WIPI2: variants seen among roughly 807,000 people sequenced by gnomAD.
WIPI2 encodes the protein WD repeat domain phosphoinositide-interacting protein 2.
WIPI2 carries 28 observed loss-of-function variants against 52.3 expected under a neutral mutation model. The ratio of observed to expected loss-of-function variants is 0.54; its 90% CI spans 0.40 to 0.73. The LOEUF is 0.73. Among genes scored for constraint, WIPI2 ranks in the 30% least tolerant of loss-of-function variants. The probability of loss-of-function intolerance (pLI) is 0.00; values close to 1 mark genes in which losing one functional copy is unlikely to be tolerated. For synonymous variants in WIPI2, 268 were observed against 245.0 expected, an observed-to-expected ratio of 1.09 and a Z score of -0.88; for missense variants, 506 against 602.9, an observed-to-expected ratio of 0.84 and a Z score of 1.68.
chr7:5,223,069 G>T (rs1381569700), intron 8 of WIPI2, among the ~76,000 whole-genome samples: 1 of 152,114 alleles, frequency 6.6e-6, no homozygotes, highest in Non-Finnish European at 1.5e-5. Flanking sequence ...TCAGCAAATG[G>T]CATTGGCCCC....
chr7:5,194,731 G>T (rs7777063), intron 2 of WIPI2, among the ~76,000 whole-genome samples: 126,005 of 152,134 alleles, frequency 0.83, 52,764 homozygotes, highest in East Asian at 0.96. Flanking sequence ...CGCCTGGGTA[G>T]CTCAGATTGC....
intron 3 of WIPI2, among the ~76,000 whole-genome samples, chr7:5,203,903 G>A (rs529829479): frequency 2.0e-5 from 3 of 152,244 alleles, no homozygotes; most frequent in Non-Finnish European, 2.9e-5. Context: ...GATTATAGGC[G>A]TGAGCCACCA....
At chr7:5,219,640 A>G (rs1352471911) in intron 7 of WIPI2, among the ~76,000 whole-genome samples, 6 of 152,198 alleles carry the variant, frequency 3.9e-5, no homozygotes, top group Non-Finnish European at 1.5e-5. Flanking sequence ...ACAACTCTTA[A>G]TTAATTAGTA....
At chr7:5,226,857 C>A in intron 9 of WIPI2, 1 of 206,650 alleles carries the variant, frequency 4.8e-6, no homozygotes, top group Non-Finnish European at 9.2e-6. Flanking sequence ...ATTACAGAGA[C>A]CTAGCAGGGG....
chr7:5,198,577 G>A (rs1023626687), intron 2 of WIPI2, among the ~76,000 whole-genome samples: 1 of 152,168 alleles, frequency 6.6e-6, no homozygotes, highest in African/African-American at 2.4e-5. Flanking sequence ...GCCTTCCAAA[G>A]TGCTGGGATT....
In WIPI2 at chr7:5,206,671, C is replaced by A. The variant is rs190076426; in HGVS notation, c.211+7013C>A. On this transcript the variant is annotated intron_variant, in intron 3 of 12. Coordinates refer to ENST00000288828, the MANE Select transcript of WIPI2 (RefSeq NM_015610.4). ...AAACTGAAAAGTGGAAAGTATTTTA[C>A]AGCTAACACCTGTGTATCCACCACT... Among the ~76,000 whole-genome samples the A allele has an allele frequency of 4.2e-3, 643 of 152,300 alleles. 13 individuals are homozygous for A. The highest frequency in any genetic ancestry group is 2.7e-3 in the East Asian group (14 of 5,190).
Position 5,216,537 on chromosome 7 carries a change from T to C in WIPI2, c.382-26T>C, listed in dbSNP as rs776429441. 1.9e-5 allele frequency: 30 copies of C among 1,608,460 alleles called. No individual in the cohort carries two copies. The Admixed American group carries it at 5.0e-4, about 27-fold the overall frequency. ...TATTGCACTGGCCGTTGCTTCACGT[T>C]TGGTTTCGTTTTGTCTCTCGCCTAG... On this transcript the variant is annotated intron_variant, in intron 4 of 12. Transcript: ENST00000288828.
At position 5,209,587 on chromosome 7, in the gene WIPI2, T is replaced by C. The variant is rs562469135; in HGVS notation, c.212-4948T>C. Among the ~76,000 whole-genome samples, 197 of 152,320 alleles carry C rather than the reference T, an allele frequency of 1.3e-3. 1 individual carries two copies. Among genetic ancestry groups the C allele is most frequent in the African/African-American group, 4.3e-3 (180 of 41,576 alleles). On this transcript the variant is annotated intron_variant, in intron 3 of 12. Transcript: ENST00000288828. Reference sequence around the variant, plus strand: ...AGTTGAATTGGAATTTATCACCACCTCTAATGGCGACTTGCTCTTTGAGAT... The same window carrying C: ...AGTTGAATTGGAATTTATCACCACCCCTAATGGCGACTTGCTCTTTGAGAT...
At chr7:5,212,671 C>A (rs994738088) in intron 3 of WIPI2, among the ~76,000 whole-genome samples, 2 of 152,304 alleles carry the variant, frequency 1.3e-5, no homozygotes, top group East Asian at 3.9e-4. Context: ...GCATGCACCA[C>A]CACGCCCAGC....
At chr7:5,226,033 C>T in intron 9 of WIPI2, 103 bp downstream of exon 9, 10 of 1,168,132 alleles carry the variant, frequency 8.6e-6, no homozygotes, top group Middle Eastern at 1.9e-4. Context: ...CCTCTGACAT[C>T]GTTAGCCAGT....
intron 8 of WIPI2, among the ~76,000 whole-genome samples, chr7:5,223,288 A>G (rs952967392): frequency 2.0e-5 from 3 of 152,248 alleles, no homozygotes; most frequent in African/African-American, 4.8e-5. Flanking sequence ...TTTCAGTCGC[A>G]TGGCCGTGGT....
Position 5,217,986 on chromosome 7 carries a change from G to A in WIPI2, c.641G>A (p.Gly214Glu). 1.2e-6 allele frequency: 2 copies of A among 1,614,250 alleles called. No individual in the cohort carries two copies. The highest frequency in any genetic ancestry group is 1.7e-6 in the Non-Finnish European group (2 of 1,180,034). The part of the protein sequence containing the change: ...PLAALAFDAS[G>E]TKLATASEKG... ...GCGGCACTGGCCTTTGACGCAAGTG[G>A]AACTAAACTTGCCACGGCTTCGGAG... The change falls in exon 7 of 13, where the codon GGA (glycine) becomes GAA (glutamate). Residue 214 changes from glycine to glutamate, a missense_variant. By Grantham distance (98) the Gly-to-Glu change is moderately conservative (BLOSUM62 -2). Transcript: ENST00000288828.
chr7:5,210,410 T>C (rs1368306908), intron 3 of WIPI2, among the ~76,000 whole-genome samples: 1 of 152,240 alleles, frequency 6.6e-6, no homozygotes, highest in Admixed American at 6.5e-5. Context: ...CTTGCTGTTC[T>C]TCAGATGCCC....
At chr7:5,191,078 G>T (rs1562380248) in intron 1 of WIPI2, among the ~76,000 whole-genome samples, 1 of 152,028 alleles carries the variant, frequency 6.6e-6, no homozygotes, top group Non-Finnish European at 1.5e-5. Flanking sequence ...GGAGTGCAGT[G>T]GTGCCATCTC....
At chr7:5,199,337 C>T (rs891341829) in intron 2 of WIPI2, among the ~76,000 whole-genome samples, 2 of 152,350 alleles carry the variant, frequency 1.3e-5, no homozygotes, top group East Asian at 1.9e-4. Context: ...CCACCACATC[C>T]AGCCTCAGAA....
At chr7:5,229,272 C>T (rs1031344973) in intron 11 of WIPI2, 2 of 194,878 alleles carry the variant, frequency 1.0e-5, no homozygotes, top group Admixed American at 5.7e-5. Context: ...GCCTCAGCCT[C>T]CCAAAGTGCT....
At chr7:5,191,045 A>T (rs1781458820) in intron 1 of WIPI2, among the ~76,000 whole-genome samples, 1 of 151,710 alleles carries the variant, frequency 6.6e-6, no homozygotes, top group South Asian at 2.1e-4. Flanking sequence ...TTTGAGACAG[A>T]GTCTTGCTCT....
chr7:5,197,106 C>T (rs10279924), intron 2 of WIPI2, among the ~76,000 whole-genome samples: 7 of 92,834 alleles, frequency 7.5e-5, no homozygotes, highest in Non-Finnish European at 9.5e-5. Context: ...AGCGGGACTC[C>T]GTCTCAAAAA....
At chr7:5,193,086 T>A (rs1396651636) in intron 1 of WIPI2, 32 bp from the exon 2 acceptor site, 1 of 1,601,178 alleles carries the variant, frequency 6.2e-7, no homozygotes, top group Non-Finnish European at 8.6e-7. Flanking sequence ...TTTTACCATT[T>A]GTTTTTTGTT....
Sources: gnomAD v4.1 joint callset for allele counts (sites outside exome capture counted in the v4.1 genomes callset) on GRCh38, gnomAD v4.1.1 for gene constraint, MANE v1.5 for transcripts, NCBI Gene and HGNC (gene_info 2026-07-23, HGNC 2026-07-21) for gene names.